The following CHKA variants were observed in gnomAD, a reference collection of about 807,000 sequenced individuals.
CHKA encodes CHETK-alpha.
A neutral mutation model predicts 60.1 loss-of-function variants in CHKA; 34 were observed. The observed-to-expected ratio is 0.57, with a 90% CI of 0.43 to 0.75. CHKA has a LOEUF of 0.75. Ranked by LOEUF, CHKA falls within the 30% of genes least tolerant of loss-of-function variation. The pLI is 0.00. For synonymous variants in CHKA, 217 were observed against 223.1 expected, an observed-to-expected ratio of 0.97 and a Z score of 0.24; for missense variants, 563 against 561.3, an observed-to-expected ratio of 1.00 and a Z score of -0.03.
In CHKA at chr11:68,121,159, T is replaced by C; in HGVS notation, c.19A>G (p.Thr7Ala). The C allele has an allele frequency of 8.3e-7, 1 of 1,205,726 alleles. No homozygotes were observed. The highest frequency in any genetic ancestry group is 1.0e-6 in the Non-Finnish European group (1 of 962,618). 74.7% of individuals were successfully genotyped at this position (1,205,726 alleles called of 1,614,324 possible). Reference sequence around the variant, plus strand: ...GGCGAGGGCTCCGCCTCGCCCCCGGTGCAGAATTTGGTTTTCATGCCCGAC... The same window carrying C: ...GGCGAGGGCTCCGCCTCGCCCCCGGCGCAGAATTTGGTTTTCATGCCCGAC... MKTKFC[T>A]GGEAEPSPLG... Residue 7 changes from threonine (T) to alanine (A), a missense_variant, in exon 1 of 12, where the codon ACC (threonine) becomes GCC (alanine). Thr to Ala is a moderately conservative substitution (Grantham distance 58, BLOSUM62 0). Coordinates refer to ENST00000265689, the MANE Select transcript of CHKA (RefSeq NM_001277.3).
At chr11:68,054,548 G>A (rs1855933537) in intron 11 of CHKA, among the ~76,000 whole-genome samples, 1 of 152,170 alleles carries the variant, frequency 6.6e-6, no homozygotes, top group Non-Finnish European at 1.5e-5. Flanking sequence ...ACCCGGCTTG[G>A]TGTTCTGTTT....
At chr11:68,112,448 CAG>C (rs1222273120) in intron 1 of CHKA, among the ~76,000 whole-genome samples, 3 of 152,066 alleles carry the variant, frequency 2.0e-5, no homozygotes, top group Non-Finnish European at 4.4e-5. Context: ...CTAGAAGAGA[CAG>C]AGTTTCACCA....
intron 1 of CHKA, among the ~76,000 whole-genome samples, chr11:68,116,306 T>C (rs868629245): frequency 7.2e-5 from 11 of 152,116 alleles, no homozygotes; most frequent in Non-Finnish European, 1.5e-4. Context: ...GGTGTGGTGG[T>C]TTACGCCTGT....
intron 11 of CHKA, chr11:68,061,701 C>G: frequency 1.8e-6 from 1 of 550,174 alleles, no homozygotes; most frequent in Non-Finnish European, 3.5e-6. Flanking sequence ...GCAGGGGAGG[C>G]AAGGTCAGCT....
At chr11:68,097,212 C>T in intron 1 of CHKA, 82 bp from the exon 2 acceptor site, 2 of 985,774 alleles carry the variant, frequency 2.0e-6, no homozygotes, top group Admixed American at 2.1e-5. Context: ...GATGAAAAGT[C>T]AGGGTTACAC....
At chr11:68,060,821 A>G (rs1448758071) in intron 11 of CHKA, among the ~76,000 whole-genome samples, 1 of 152,142 alleles carries the variant, frequency 6.6e-6, no homozygotes, top group Non-Finnish European at 1.5e-5. Context: ...CATGACTCAA[A>G]TCTGCTTTAA....
At chr11:68,102,058 C>T (rs1328991826) in intron 1 of CHKA, among the ~76,000 whole-genome samples, 8 of 151,408 alleles carry the variant, frequency 5.3e-5, no homozygotes, top group African/African-American at 7.3e-5. Context: ...CAAGATCACG[C>T]CACTGCACTC....
intron 3 of CHKA, among the ~76,000 whole-genome samples, chr11:68,075,732 T>TA (rs1342969618): frequency 6.6e-6 from 1 of 152,034 alleles, no homozygotes; most frequent in Non-Finnish European, 1.5e-5. Context: ...GGCCAGGAGT[T>TA]AGAGACCAGC....
intron 5 of CHKA, 112 bp downstream of exon 5, chr11:68,070,612 T>C: frequency 8.5e-7 from 1 of 1,170,326 alleles, no homozygotes; most frequent in Non-Finnish European, 1.2e-6. Context: ...ACCCTGCACT[T>C]CAGTGAACTA....
rs149936920 is a variant in CHKA at position 68,118,312 on chromosome 11, G to A, written c.350+2516C>T. 6.1e-3 allele frequency among the ~76,000 whole-genome samples: 921 copies of A among 152,130 alleles called. 12 individuals carry two copies. Among genetic ancestry groups the A allele is most frequent in the African/African-American group, 0.021 (892 of 41,492 alleles). On this transcript the variant is annotated intron_variant, in intron 1 of 11. Coordinates refer to ENST00000265689, the MANE Select transcript of CHKA (RefSeq NM_001277.3). ...AAAAATTAGCCAGTAATGGTGGTGCGTGCCTGTAGTCCCAGCTACTTGAGA... is the reference window on the plus strand; with the variant it reads ...AAAAATTAGCCAGTAATGGTGGTGCATGCCTGTAGTCCCAGCTACTTGAGA...
intron 4 of CHKA, among the ~76,000 whole-genome samples, chr11:68,072,313 G>A (rs1856644652): frequency 6.6e-6 from 1 of 152,184 alleles, no homozygotes; most frequent in African/African-American, 2.4e-5. Context: ...GGGAGGCCAA[G>A]GCGGGAGGAC....
intron 10 of CHKA, among the ~76,000 whole-genome samples, chr11:68,063,335 C>CA (rs1170553081): frequency 1.3e-5 from 2 of 151,644 alleles, no homozygotes; most frequent in East Asian, 1.9e-4. Context: ...CTCGTGTCTA[C>CA]AAAAAAATAC....
At chr11:68,109,411 G>C (rs1858051008) in intron 1 of CHKA, among the ~76,000 whole-genome samples, 1 of 152,006 alleles carries the variant, frequency 6.6e-6, no homozygotes, top group South Asian at 2.1e-4. Context: ...AAATACGACA[G>C]AACATTCTGT....
At chr11:68,108,994 G>C (rs1023914195) in intron 1 of CHKA, among the ~76,000 whole-genome samples, 16 of 145,004 alleles carry the variant, frequency 1.1e-4, no homozygotes, top group African/African-American at 3.6e-4. Flanking sequence ...GGAGCTCTAC[G>C]AGTTCCTTAC....
intron 3 of CHKA, among the ~76,000 whole-genome samples, chr11:68,079,609 C>T (rs1856910840): frequency 6.6e-6 from 1 of 152,266 alleles, no homozygotes; most frequent in African/African-American, 2.4e-5. Context: ...AGGATTACGG[C>T]GTGAGCCACC....
intron 11 of CHKA, among the ~76,000 whole-genome samples, chr11:68,055,351 C>G (rs1174724278): frequency 6.6e-6 from 1 of 152,198 alleles, no homozygotes; most frequent in East Asian, 1.9e-4. Context: ...GATCGGGCCA[C>G]TGTACTCCTC....
intron 3 of CHKA, among the ~76,000 whole-genome samples, chr11:68,076,721 A>G (rs1325098819): frequency 2.0e-5 from 3 of 152,124 alleles, no homozygotes; most frequent in African/African-American, 7.2e-5. Flanking sequence ...TGGCATCGTC[A>G]ACACATGTCA....
Position 68,081,443 on chromosome 11 carries a change from T to C in CHKA, c.477A>G (p.Lys159=), listed in dbSNP as rs142761062. The C allele has an allele frequency of 1.9e-6, 3 of 1,613,282 alleles. No homozygotes were observed. The African/African-American group carries it at 4.0e-5, about 22-fold the overall frequency. The change falls in exon 3 of 12, where the codon AAA becomes AAG. Residue 159 remains lysine, a synonymous_variant. Coordinates refer to ENST00000265689, the MANE Select transcript of CHKA (RefSeq NM_001277.3). ...GAILQMRSCN[K]EGSEQAQKEN... ...CTTTCTGAGCTTGTTCGGATCCCTC[T>C]TTATTACAGGACCTCTATGAATGAG... is the stretch of plus-strand genomic sequence containing the variant.
chr11:68,070,910 A>G (rs1313829623), intron 4 of CHKA, 53 bp from the exon 5 acceptor site: 1 of 1,562,704 alleles, frequency 6.4e-7, no homozygotes, highest in Non-Finnish European at 8.8e-7. Flanking sequence ...AACTAAAAAG[A>G]GTGAGATCAC....
Sources: allele counts gnomAD v4.1 joint callset (sites outside exome capture counted in the v4.1 genomes callset), GRCh38; gene constraint gnomAD v4.1.1; transcripts MANE v1.5; gene names NCBI Gene and HGNC (gene_info 2026-07-23, HGNC 2026-07-21).